NBEAL2: variants seen among roughly 807,000 people sequenced by gnomAD.
NBEAL2 encodes the protein neurobeachin-like protein 2.
A neutral mutation model predicts 299.8 loss-of-function variants in NBEAL2; 160 were observed. That is an observed-to-expected ratio of 0.53 (90% CI 0.47 to 0.61). The LOEUF (loss-of-function observed/expected upper bound fraction) is 0.61, where lower values mean the gene tolerates loss of function less well. Ranked by LOEUF, NBEAL2 falls within the 20% of genes least tolerant of loss-of-function variation. The pLI is 0.00. For synonymous variants in NBEAL2, 1,493 were observed against 1,542.3 expected (o/e 0.97, Z 0.75); for missense variants, 3,112 against 3,649.0 (o/e 0.85, Z 3.79).
In NBEAL2 at chr3:46,979,819, C is replaced by T. The variant is rs1443954744; in HGVS notation, c.-43C>T. ...CAACCGGCGGGCGGCGCGGAGGAGG[C>T]GGCGACAGGTGGCGCGCAGCAGGGC... On this transcript the variant is annotated 5_prime_UTR_variant, in exon 1 of 54. Transcript: ENST00000450053. 7.3e-6 allele frequency: 3 copies of T among 408,852 alleles called. No homozygotes were observed. Among genetic ancestry groups the T allele is most frequent in the Non-Finnish European group, 1.3e-5 (3 of 234,650 alleles). The allele number at this position is 408,852 out of a possible 1,614,324, so 25.3% of individuals were successfully genotyped here.
Position 47,002,751 on chromosome 3 carries a change from G to A in NBEAL2, c.5408G>A (p.Trp1803Ter), listed in dbSNP as rs781626429. The A allele has an allele frequency of 6.3e-7, 1 of 1,577,992 alleles. No homozygotes were observed. The highest frequency in any genetic ancestry group is 1.1e-5 in the South Asian group (1 of 87,782). The change falls in exon 33 of 54, where the codon TGG becomes TAG. Residue 1803 changes from tryptophan (W) to a stop codon, truncating the protein, a stop_gained. Coordinates refer to ENST00000450053, the MANE Select transcript of NBEAL2 (RefSeq NM_015175.3). LOFTEE classifies it high-confidence loss of function. ...ATQHSMALLHWGALWRQLASP... is the reference protein window; with the variant it reads ...ATQHSMALLH Reference sequence around the variant, plus strand: ...CAGCACTCCATGGCCCTGCTGCACTGGGGGGCGCTGTGGCGCCAGCTCGCC... The same window carrying A: ...CAGCACTCCATGGCCCTGCTGCACTAGGGGGCGCTGTGGCGCCAGCTCGCC...
Position 47,004,729 on chromosome 3 carries a change from T to C in NBEAL2, c.6294+139T>C, listed in dbSNP as rs2037296492. 1 of 1,078,902 alleles carries C rather than the reference T, an allele frequency of 9.3e-7. No individual in the cohort carries two copies. Among genetic ancestry groups the C allele is most frequent in the Admixed American group, 2.0e-5 (1 of 49,930 alleles). The allele number at this position is 1,078,902 out of a possible 1,614,324, so 66.8% of individuals were successfully genotyped here. ...GATGTGCCAATGAAGACCTGGCCTC[T>C]GTTCCCTGCCAACCCCCAGAGGTCC... On this transcript the variant is annotated intron_variant, in intron 38 of 53. Transcript: ENST00000450053. This position sits in a 1 kb window ranked among gnomAD's most constrained non-coding sequence, Gnocchi z 5.0.
At chr3:47,005,440 C>T (rs370597539) in intron 40 of NBEAL2, 49 bp from the exon 41 acceptor site, 22 of 1,595,454 alleles carry the variant, frequency 1.4e-5, no homozygotes, top group Non-Finnish European at 1.7e-5. Flanking sequence ...CATCTCCCTC[C>T]CTGTCTCCAT....
In NBEAL2 at chr3:46,997,364, C is replaced by T. The variant is rs750911578; in HGVS notation, c.2755C>T (p.Leu919Phe). 1.2e-6 allele frequency: 2 copies of T among 1,612,166 alleles called. No homozygotes were observed. Among genetic ancestry groups the T allele is most frequent in the Non-Finnish European group, 1.7e-6 (2 of 1,179,758 alleles). The part of the protein sequence containing the change: ...AEAGPAETHD[L>F]VGPELTSGHN... ...AGCAGGTCCAGCTGAAACGCATGAC[C>T]TCGTGGGTCCTGAACTGACCTCTGG... Residue 919 changes from leucine to phenylalanine, a missense_variant, in exon 19 of 54, where the codon CTC (leucine) becomes TTC (phenylalanine). By Grantham distance (22) the Leu-to-Phe change is conservative. Around this residue, in one of 3 missense-constraint regions of NBEAL2, gnomAD observed 2,243 missense variants for 2,538.1 expected, o/e 0.88. Transcript: ENST00000450053.
Position 46,999,893 on chromosome 3 carries a change from T to G in NBEAL2, c.3794T>G (p.Phe1265Cys). The change falls in exon 27 of 54, where the codon TTC (phenylalanine) becomes TGC (cysteine). Residue 1265 changes from phenylalanine (F) to cysteine (C), a missense_variant. By Grantham distance (205) the Phe-to-Cys change is radical (BLOSUM62 -2). Coordinates refer to ENST00000450053, the MANE Select transcript of NBEAL2 (RefSeq NM_015175.3). ...TTGCTGTGCTCTCGCCTGCAGCTTT[T>G]CCACCTCATCTACGGACAGCCAGAT... is the stretch of plus-strand genomic sequence containing the variant. ...SVRLDICRQL[F>C]HLIYGQPDVV... 6.2e-7 allele frequency: 1 copy of G among 1,603,980 alleles called. No homozygotes were observed. Among genetic ancestry groups the G allele is most frequent in the Non-Finnish European group, 8.5e-7 (1 of 1,172,774 alleles).
In NBEAL2 at chr3:47,005,211, C is replaced by G; in HGVS notation, c.6450C>G (p.Thr2150=). 6.2e-7 allele frequency: 1 copy of G among 1,613,768 alleles called. No individual in the cohort carries two copies. The highest frequency in any genetic ancestry group is 8.5e-7 in the Non-Finnish European group (1 of 1,179,890). ...KYESFEDPAG[T]IDKFHYGTHY... Reference sequence around the variant, plus strand: ...AAAGCTTTGAGGACCCAGCAGGGACCATTGACAAGTTCCACTATGGCACCC... The same window carrying G: ...AAAGCTTTGAGGACCCAGCAGGGACGATTGACAAGTTCCACTATGGCACCC... The change falls in exon 40 of 54, where the codon ACC becomes ACG. Residue 2150 remains threonine (T), a synonymous_variant. Transcript: ENST00000450053.
At position 46,991,359 on chromosome 3, in the gene NBEAL2, G is replaced by C. The variant is rs2036071364; in HGVS notation, c.643-47G>C. The C allele has an allele frequency of 1.3e-6, 2 of 1,583,704 alleles. No individual in the cohort carries two copies. The highest frequency in any genetic ancestry group is 1.7e-6 in the Non-Finnish European group (2 of 1,164,450). ...AGAGCAGCTCTTTCAGTATCTCTCT[G>C]CTGGGTGAGCCCCTTGCCCACTGCC... On this transcript the variant is annotated intron_variant, in intron 7 of 53. Coordinates refer to ENST00000450053, the MANE Select transcript of NBEAL2 (RefSeq NM_015175.3). This position sits in a 1 kb window ranked among gnomAD's most constrained non-coding sequence, Gnocchi z 6.2.
intron 11 of NBEAL2, 110 bp from the exon 12 acceptor site, chr3:46,994,345 C>A: frequency 1.0e-6 from 1 of 986,970 alleles, no homozygotes; most frequent in Non-Finnish European, 1.6e-6. Flanking sequence ...AGAGGCAGAG[C>A]TACGCAAGGG....
chr3:46,996,702 G>T (rs1246425866), intron 16 of NBEAL2, 49 bp from the exon 17 acceptor site: 1 of 1,588,108 alleles, frequency 6.3e-7, no homozygotes, highest in Non-Finnish European at 8.6e-7. Context: ...TCTGGATGGG[G>T]TTTGGCCAGA....
In NBEAL2 at chr3:47,001,313, G is replaced by A. The variant is rs374737302; in HGVS notation, c.4519G>A (p.Asp1507Asn). The A allele has an allele frequency of 1.3e-5, 21 of 1,612,464 alleles. No individual in the cohort carries two copies. The highest frequency in any genetic ancestry group is 6.6e-5 in the South Asian group (6 of 91,066). The change falls in exon 29 of 54, where the codon GAC (aspartate) becomes AAC (asparagine). Residue 1507 changes from aspartate to asparagine, a missense_variant. Asp to Asn is a conservative substitution (Grantham distance 23). Around this residue, in one of 3 missense-constraint regions of NBEAL2, gnomAD observed 2,243 missense variants for 2,538.1 expected, o/e 0.88. Transcript: ENST00000450053. This position sits in a 1 kb window ranked among gnomAD's most constrained non-coding sequence, Gnocchi z 6.1. ...LEMMLESALT[D>N]IKEAPVGVLA... is the part of the protein sequence containing the mutation. ...GATGATGCTGGAGTCAGCCCTGACC[G>A]ACATCAAAGAGGCCCCCGTGGGGGT...
Position 46,989,042 on chromosome 3 carries a change from C to A in NBEAL2, c.270-43C>A. ...CAGAGGGAGAGGGGACAAGGAGGGG[C>A]ATGGTGTATTATTGTGACCTCTCTC... On this transcript the variant is annotated intron_variant, in intron 3 of 53. Coordinates refer to ENST00000450053, the MANE Select transcript of NBEAL2 (RefSeq NM_015175.3). This position sits in a 1 kb window ranked among gnomAD's most constrained non-coding sequence, Gnocchi z 5.5. 3 of 1,611,690 alleles carry A rather than the reference C, an allele frequency of 1.9e-6. No homozygotes were observed.
chr3:46,983,960 C>G (rs960341248), intron 1 of NBEAL2, among the ~76,000 whole-genome samples: 1 of 152,044 alleles, frequency 6.6e-6, no homozygotes, highest in Non-Finnish European at 1.5e-5. Context: ...TACTTCCATT[C>G]TGTGGAGTGT....
chr3:47,003,317 G>A lies in NBEAL2; in HGVS notation c.5720+8G>A. 1 of 1,610,018 alleles carries A rather than the reference G, an allele frequency of 6.2e-7. No individual in the cohort carries two copies. Among genetic ancestry groups the A allele is most frequent in the Non-Finnish European group, 8.5e-7 (1 of 1,178,616 alleles). On this transcript the variant is annotated splice_region_variant and intron_variant, in intron 35 of 53. Transcript: ENST00000450053. The surrounding 1 kb of genome is among the most constrained non-coding windows in gnomAD (Gnocchi z 7.0). Reference sequence around the variant, plus strand: ...GGCTGAGCTGGAGACCCCGTGAGTGGGGCCCTGGAGAGATTGGACTGGTGT... The same window carrying A: ...GGCTGAGCTGGAGACCCCGTGAGTGAGGCCCTGGAGAGATTGGACTGGTGT...
intron 40 of NBEAL2, 81 bp downstream of exon 40, chr3:47,005,402 C>A: frequency 6.4e-7 from 1 of 1,572,792 alleles, no homozygotes; most frequent in South Asian, 1.2e-5. Context: ...GGGCCCACCC[C>A]TGGCTCCCTT....
intron 6 of NBEAL2, among the ~76,000 whole-genome samples, chr3:46,990,132 G>C (rs1226468793): frequency 6.6e-6 from 1 of 152,104 alleles, no homozygotes; most frequent in East Asian, 1.9e-4. Context: ...GCTCAGGGTG[G>C]GATATGGCCT....
Position 47,009,446 on chromosome 3 carries a change from A to G in NBEAL2, c.*126A>G. The G allele has an allele frequency of 1.2e-6, 1 of 866,196 alleles. No individual in the cohort carries two copies. Among genetic ancestry groups the G allele is most frequent in the Non-Finnish European group, 1.8e-6 (1 of 556,604 alleles). 53.7% of individuals were successfully genotyped at this position (866,196 alleles called of 1,614,324 possible). On this transcript the variant is annotated 3_prime_UTR_variant, in exon 54 of 54. Coordinates refer to ENST00000450053, the MANE Select transcript of NBEAL2 (RefSeq NM_015175.3). Reference sequence around the variant, plus strand: ...GGGGTGAGCGGGGCCCACCCTGCCCAGCTCAGGGATTGGCGGGCGATGTTA... The same window carrying G: ...GGGGTGAGCGGGGCCCACCCTGCCCGGCTCAGGGATTGGCGGGCGATGTTA...
chr3:46,984,175 G>A (rs969653731), intron 1 of NBEAL2, among the ~76,000 whole-genome samples: 3 of 150,954 alleles, frequency 2.0e-5, no homozygotes, highest in Non-Finnish European at 2.9e-5. Flanking sequence ...GCGTGATGGC[G>A]AGTGCCTGTA....
chr3:46,999,966 C>G lies in NBEAL2; in HGVS notation c.3867C>G (p.Thr1289=). 1 of 1,612,062 alleles carries G rather than the reference C, an allele frequency of 6.2e-7. No individual in the cohort carries two copies. Residue 1289 remains threonine, a synonymous_variant, in exon 27 of 54, where the codon ACC becomes ACG. Transcript: ENST00000450053. The part of the protein sequence containing the change: ...ARQAGWQDVL[T]RLYVLEAATA... Reference sequence around the variant, plus strand: ...AGGCTGGCTGGCAAGATGTGCTGACCCGGCTATATGTCCTGGAGGCTGCCA... The same window carrying G: ...AGGCTGGCTGGCAAGATGTGCTGACGCGGCTATATGTCCTGGAGGCTGCCA...
chr3:46,991,756 G>T lies in NBEAL2; in HGVS notation c.925+68G>T. On this transcript the variant is annotated intron_variant, in intron 8 of 53. Coordinates refer to ENST00000450053, the MANE Select transcript of NBEAL2 (RefSeq NM_015175.3). The surrounding 1 kb of genome is among the most constrained non-coding windows in gnomAD (Gnocchi z 6.2). ...GGGAAAAGCCTAAGTGATGATGGAAGGTCTGGATAGGGCAGCATAGGAAGG... is the reference window on the plus strand; with the variant it reads ...GGGAAAAGCCTAAGTGATGATGGAATGTCTGGATAGGGCAGCATAGGAAGG... 1 of 1,564,080 alleles carries T rather than the reference G, an allele frequency of 6.4e-7. No homozygotes were observed. Among genetic ancestry groups the T allele is most frequent in the South Asian group, 1.2e-5 (1 of 86,048 alleles).
Sources: allele counts gnomAD v4.1 joint callset (sites outside exome capture counted in the v4.1 genomes callset), GRCh38; gene constraint gnomAD v4.1.1; regional missense constraint gnomAD v4.1.1; non-coding constraint Gnocchi (gnomAD v3.1); transcripts MANE v1.5; gene names NCBI Gene and HGNC (gene_info 2026-07-23, HGNC 2026-07-21).